Variants in HEATR4 observed in about 807,000 individuals in gnomAD.
HEATR4 encodes the protein HEAT repeat containing 4, also known as HEAT repeat-containing protein 4.
A neutral mutation model predicts 108.8 loss-of-function variants in HEATR4; 95 were observed. The ratio of observed to expected loss-of-function variants is 0.87; its 90% confidence interval spans 0.74 to 1.04. The LOEUF (loss-of-function observed/expected upper bound fraction) is 1.04. Ranked by LOEUF, HEATR4 falls within the 50% of genes least tolerant of loss-of-function variation. The probability of loss-of-function intolerance (pLI) is 0.00; values close to 1 mark genes in which losing one functional copy is unlikely to be tolerated. For synonymous variants in HEATR4, 443 were observed against 459.4 expected (o/e 0.96, Z 0.46); for missense variants, 1,152 against 1,253.8 (o/e 0.92, Z 1.23).
the HEATR4 span, chr14:73,574,910 A>G: frequency 9.3e-6 from 15 of 1,612,754 alleles, no homozygotes; most frequent in African/African-American, 1.3e-5. Flanking sequence ...TTTCTCAGGT[A>G]AAAGGTCCAG....
the HEATR4 span, chr14:73,594,019 G>T: frequency 2.1e-6 from 2 of 952,090 alleles, no homozygotes; most frequent in Non-Finnish European, 3.0e-6. Flanking sequence ...GATGTCTTCT[G>T]GAGACTTCCT....
At chr14:73,505,763 T>G (rs906082793) in intron 10 of HEATR4, among the ~76,000 whole-genome samples, 1 of 152,100 alleles carries the variant, frequency 6.6e-6, no homozygotes, top group Admixed American at 6.6e-5. Context: ...GATGGGTTTT[T>G]GGGTAGTCTA....
At chr14:73,604,033 G>T in the HEATR4 span, among the ~76,000 whole-genome samples, 1 of 151,990 alleles carries the variant, frequency 6.6e-6, no homozygotes, top group Non-Finnish European at 1.5e-5. Context: ...TGGCCGGCAG[G>T]TGCTTATTCT....
the HEATR4 span, among the ~76,000 whole-genome samples, chr14:73,573,790 G>C: frequency 4.0e-5 from 6 of 151,864 alleles, no homozygotes; most frequent in South Asian, 1.0e-3. Context: ...CCAGTGGTGC[G>C]ATCTTGGCTC....
chr14:73,586,572 G>C, the HEATR4 span, among the ~76,000 whole-genome samples: 3 of 151,814 alleles, frequency 2.0e-5, no homozygotes, highest in African/African-American at 7.3e-5. Context: ...CTGGCGTGGT[G>C]GCATGCACCT....
At chr14:73,570,670 C>T in the HEATR4 span, among the ~76,000 whole-genome samples, 2 of 151,924 alleles carry the variant, frequency 1.3e-5, no homozygotes, top group East Asian at 1.9e-4. Flanking sequence ...TTTGGGAGGC[C>T]GAGGCCGGCG....
At chr14:73,508,691 G>A (rs1395648528) in intron 8 of HEATR4, among the ~76,000 whole-genome samples, 1 of 143,874 alleles carries the variant, frequency 7.0e-6, no homozygotes, top group Non-Finnish European at 1.5e-5. Context: ...GGAGGTTGCA[G>A]TGTGAGCTGA....
the HEATR4 span, chr14:73,571,713 G>A: frequency 1.3e-5 from 2 of 151,906 alleles, no homozygotes; most frequent in African/African-American, 4.8e-5. Flanking sequence ...CGGGGCACTG[G>A]GGTTTCTCGG....
chr14:73,564,910 T>C, the HEATR4 span, among the ~76,000 whole-genome samples: 2 of 151,838 alleles, frequency 1.3e-5, no homozygotes, highest in African/African-American at 2.4e-5. Context: ...AAAATGTTAA[T>C]ATCTTGGTAA....
chr14:73,485,239 A>G (rs1885406629), intron 17 of HEATR4, among the ~76,000 whole-genome samples: 1 of 152,144 alleles, frequency 6.6e-6, no homozygotes, highest in Admixed American at 6.6e-5. Context: ...TAAGCAAAAA[A>G]TGGGACAACA....
At chr14:73,538,076 C>T (rs1888939825) in intron 1 of HEATR4, among the ~76,000 whole-genome samples, 1 of 113,890 alleles carries the variant, frequency 8.8e-6, no homozygotes, top group Non-Finnish European at 1.9e-5. Context: ...ATCCTCCCGC[C>T]TCTGCCTCCC....
upstream of HEATR4, among the ~76,000 whole-genome samples, chr14:73,559,613 A>G (rs1217948369): frequency 6.6e-6 from 1 of 151,940 alleles, no homozygotes; most frequent in African/African-American, 2.4e-5. Context: ...CTGGTGGCGC[A>G]TGCCTGTAAT....
At position 73,522,255 on chromosome 14, in the gene HEATR4, G is replaced by A. The variant is rs766117298; in HGVS notation, c.881+17C>T. 1.4e-5 allele frequency: 23 copies of A among 1,606,742 alleles called. No individual in the cohort carries two copies. The highest frequency in any genetic ancestry group is 2.0e-5 in the Non-Finnish European group (23 of 1,175,622). On this transcript the variant is annotated intron_variant, in intron 3 of 17. Coordinates refer to ENST00000553558, the MANE Select transcript of HEATR4 (RefSeq NM_001220484.1). ...CAGGGATTATCAAAGGTGCACTTGA[G>A]GCCCTGGCCAGTATACCTGTAGTAA...
At chr14:73,569,655 C>A in the HEATR4 span, 1 of 1,606,008 alleles carries the variant, frequency 6.2e-7, no homozygotes, top group South Asian at 1.1e-5. Context: ...GGGGCTTGAG[C>A]CCATGGGGCT....
At chr14:73,627,819 A>ATTTTT in the HEATR4 span, among the ~76,000 whole-genome samples, 2 of 147,964 alleles carry the variant, frequency 1.4e-5, no homozygotes, top group Non-Finnish European at 3.0e-5. Context: ...AGTCCCAACA[A>ATTTTT]TTTTTTTTTT....
At chr14:73,569,540 G>T in the HEATR4 span, 1 of 1,605,676 alleles carries the variant, frequency 6.2e-7, no homozygotes, top group Non-Finnish European at 8.5e-7. Flanking sequence ...GCGCGTCCCT[G>T]CGCGACGAGA....
the HEATR4 span, chr14:73,595,479 C>A: frequency 6.2e-7 from 1 of 1,614,006 alleles, no homozygotes; most frequent in African/African-American, 1.3e-5. Context: ...TACATCGAGC[C>A]TCCTTACTTC....
Position 73,514,168 on chromosome 14 carries a change from A to C in HEATR4, c.1277T>G (p.Leu426Arg), listed in dbSNP as rs1019172665. The C allele has an allele frequency of 3.1e-6, 5 of 1,614,098 alleles. No homozygotes were observed. The highest frequency in any genetic ancestry group is 2.7e-5 in the African/African-American group (2 of 74,934). The change falls in exon 6 of 18, where the codon CTG becomes CGG. Residue 426 changes from leucine to arginine, a missense_variant. By Grantham distance (102) the Leu-to-Arg change is moderately radical. Transcript: ENST00000553558. ...AGGCACATCCTTCTCACCCACCTGC[A>C]GCAGCATATCCTTGGCGGGGGTGGG... ...ALPTPAKDML[L>R]QVGEKDVPIK... is the part of the protein sequence containing the mutation.
In HEATR4 at chr14:73,500,717, G is replaced by C. The variant is rs1886404318; in HGVS notation, c.2119C>G (p.Gln707Glu). ...TCCACACGCTCCTGGGAATTTCCTT[G>C]ACCTAGCTTGACCCTGTAAGGCACA... Reference protein sequence around the residue: ...VHDIIRVKLGQGNSQERVEAL... With the variant: ...VHDIIRVKLGEGNSQERVEAL... The change falls in exon 12 of 18, where the codon CAA becomes GAA. Residue 707 changes from glutamine to glutamate, a missense_variant. Coordinates refer to ENST00000553558, the MANE Select transcript of HEATR4 (RefSeq NM_001220484.1). The C allele has an allele frequency of 6.2e-7, 1 of 1,613,402 alleles. No individual in the cohort carries two copies. Among genetic ancestry groups the C allele is most frequent in the Admixed American group, 1.7e-5 (1 of 59,950 alleles).
Sources: gnomAD v4.1 joint callset for allele counts (sites outside exome capture counted in the v4.1 genomes callset) on GRCh38, gnomAD v4.1.1 for gene constraint, MANE v1.5 for transcripts, NCBI Gene and HGNC (gene_info 2026-07-23, HGNC 2026-07-21) for gene names.